Variants in EMP3 observed in about 807,000 individuals in gnomAD.
EMP3 encodes epithelial membrane protein 3 (MAM blood group).
In EMP3, 15 loss-of-function variants were observed where a neutral mutation model predicts 21.6. The ratio of observed to expected loss-of-function variants is 0.69; its 90% CI spans 0.46 to 1.07. EMP3 has a LOEUF of 1.07. EMP3 is among the 50% of genes least tolerant of loss of function. The pLI, the probability that EMP3 is intolerant of heterozygous loss-of-function variation, is 0.00. For missense variants in EMP3, 183 were observed against 206.6 expected (o/e 0.89, Z 0.70); for synonymous variants, 107 against 86.1 (o/e 1.24, Z -1.34).
In EMP3 at chr19:48,329,414, A is replaced by G. The variant is rs1165378910; in HGVS notation, c.244A>G (p.Ile82Val). ...CCTCATTCTCTGCTGTCTCTCCTTC[A>G]TCCTGTTCATGTTCCAGCTCTACAC... ...LSLILCCLSF[I>V]LFMFQLYTMR... Residue 82 changes from isoleucine to valine, a missense_variant, in exon 4 of 5, where the codon ATC becomes GTC. Physicochemically the swap from Ile to Val is conservative, Grantham distance 29. Coordinates refer to ENST00000270221, the MANE Select transcript of EMP3 (RefSeq NM_001425.3). This position sits in a 1 kb window ranked among gnomAD's most constrained non-coding sequence, Gnocchi z 4.5. The G allele has an allele frequency of 6.2e-7, 1 of 1,612,618 alleles. No individual in the cohort carries two copies. The highest frequency in any genetic ancestry group is 1.1e-5 in the South Asian group (1 of 90,968).
rs1569017698 is a variant in EMP3, at chr19:48,327,636, G to A, written c.181+13G>A. 6.2e-7 allele frequency: 1 copy of A among 1,611,456 alleles called. No individual in the cohort carries two copies. The highest frequency in any genetic ancestry group is 2.2e-5 in the East Asian group (1 of 44,866). ...GTCAGCGAGAATGGTGAGGGGTGAG[G>A]GCGGCGGGACTGGTCTTCAAAGGGG... is the stretch of plus-strand genomic sequence containing the variant. On this transcript the variant is annotated intron_variant, in intron 3 of 4. Coordinates refer to ENST00000270221, the MANE Select transcript of EMP3 (RefSeq NM_001425.3).
At chr19:48,328,281 G>A (rs969790999) in intron 3 of EMP3, among the ~76,000 whole-genome samples, 24 of 151,874 alleles carry the variant, frequency 1.6e-4, no homozygotes, top group African/African-American at 2.9e-4. Context: ...GCATGGTGGC[G>A]TGCGCCTGTA....
At position 48,330,458 on chromosome 19, in the gene EMP3, G is replaced by C. The variant is rs1294878983; in HGVS notation, c.480G>C (p.Arg160=). 4.4e-6 allele frequency: 7 copies of C among 1,582,630 alleles called. No homozygotes were observed. The highest frequency in any genetic ancestry group is 6.0e-6 in the Non-Finnish European group (7 of 1,167,438). Residue 160 remains arginine (R), a synonymous_variant, in exon 5 of 5, where the codon CGG becomes CGC. Coordinates refer to ENST00000270221, the MANE Select transcript of EMP3 (RefSeq NM_001425.3). Reference sequence around the variant, plus strand: ...GCGGCATCATCTACATCCACCTACGGAAGCGGGAGTGAGCGCCCCGCCTCG... The same window carrying C: ...GCGGCATCATCTACATCCACCTACGCAAGCGGGAGTGAGCGCCCCGCCTCG... The part of the protein sequence containing the change: ...LVSGIIYIHL[R]KRE
rs746709296 is a variant in EMP3, at chr19:48,328,411, CAAAAAAA to C, written c.181+803_181+809del. Among the ~76,000 whole-genome samples the C allele has an allele frequency of 2.2e-4, 18 of 80,682 alleles. 1 individual carries two copies. In the South Asian group the frequency reaches 4.6e-3, roughly 21 times the overall value. 52.9% of individuals were successfully genotyped at this position (80,682 alleles called of 152,430 possible). A position where few individuals can be genotyped will look rare whatever the true frequency, so the allele number is the denominator to read the frequency against. On this transcript the variant is annotated intron_variant, in intron 3 of 4. Coordinates refer to ENST00000270221, the MANE Select transcript of EMP3 (RefSeq NM_001425.3). ...TGGGCAACAGAGCAAGATTCTGTCTCAAAAAAAAAAAAAAAAAAAAAGAATAGAGAAA... is the reference window on the plus strand; with the variant it reads ...TGGGCAACAGAGCAAGATTCTGTCTCAAAAAAAAAAAAAAGAATAGAGAAA...
At chr19:48,326,626 G>A (rs973833599) in intron 1 of EMP3, among the ~76,000 whole-genome samples, 1 of 152,014 alleles carries the variant, frequency 6.6e-6, no homozygotes, top group Admixed American at 6.6e-5. Flanking sequence ...GAGTAGCTGG[G>A]ATTACAGGTG....
Position 48,329,341 on chromosome 19 carries a change from C to G in EMP3, c.182-11C>G. ...ACGGTGATGTCCCCCTCTGTGTCCT[C>G]CTTACTGCAGGCTGGCTGAAGGCGG... On this transcript the variant is annotated splice_polypyrimidine_tract_variant and intron_variant, in intron 3 of 4. Coordinates refer to ENST00000270221, the MANE Select transcript of EMP3 (RefSeq NM_001425.3). The surrounding 1 kb of genome is among the most constrained non-coding windows in gnomAD (Gnocchi z 4.5). 1 of 1,614,010 alleles carries G rather than the reference C, an allele frequency of 6.2e-7. No individual in the cohort carries two copies. Among genetic ancestry groups the G allele is most frequent in the Non-Finnish European group, 8.5e-7 (1 of 1,179,952 alleles).
At position 48,329,365 on chromosome 19, in the gene EMP3, G is replaced by A. The variant is rs202209148; in HGVS notation, c.195G>A (p.Ala65=). The A allele has an allele frequency of 2.5e-5, 40 of 1,614,008 alleles. No individual in the cohort carries two copies. Among genetic ancestry groups the A allele is most frequent in the African/African-American group, 5.3e-5 (4 of 74,988 alleles). ...TCCTTACTGCAGGCTGGCTGAAGGC[G>A]GTGCAGGTCCTCATGGTGCTCTCCC... The part of the protein sequence containing the change: ...SNVSENGWLK[A]VQVLMVLSLI... The change falls in exon 4 of 5, where the codon GCG becomes GCA. Residue 65 remains alanine (A), a synonymous_variant. Transcript: ENST00000270221. The surrounding 1 kb of genome is among the most constrained non-coding windows in gnomAD (Gnocchi z 4.5).
rs1422852555 is a variant in EMP3 at position 48,329,017 on chromosome 19, G to C, written c.182-335G>C. 1.3e-5 allele frequency among the ~76,000 whole-genome samples: 2 copies of C among 152,120 alleles called. No homozygotes were observed. Among genetic ancestry groups the C allele is most frequent in the African/African-American group, 2.4e-5 (1 of 41,412 alleles). ...TGTGCCTGTGGTCCCAGCTACTCAGGAGGCAGGGGTGAGAGAATTTCTTGA... is the reference window on the plus strand; with the variant it reads ...TGTGCCTGTGGTCCCAGCTACTCAGCAGGCAGGGGTGAGAGAATTTCTTGA... On this transcript the variant is annotated intron_variant, in intron 3 of 4. Transcript: ENST00000270221. This position sits in a 1 kb window ranked among gnomAD's most constrained non-coding sequence, Gnocchi z 4.5.
chr19:48,327,531 C>T lies in EMP3; in HGVS notation c.89C>T (p.Thr30Ile). 6.2e-7 allele frequency: 1 copy of T among 1,613,150 alleles called. No homozygotes were observed. Among genetic ancestry groups the T allele is most frequent in the Non-Finnish European group, 8.5e-7 (1 of 1,179,650 alleles). Reference protein sequence around the residue: ...FVATLDKSWWTLPGKESLNLW... With the variant: ...FVATLDKSWWILPGKESLNLW... ...CTCTGTCCATCCCAGTCCTGGTGGA[C>T]TCTCCCTGGGAAAGAGTCCCTGAAT... Residue 30 changes from threonine (T) to isoleucine (I), a missense_variant, in exon 3 of 5, where the codon ACT becomes ATT. Transcript: ENST00000270221.
rs1039381495 is a variant in EMP3, at chr19:48,329,236, T to C, written c.182-116T>C. 2.3e-6 allele frequency: 3 copies of C among 1,301,890 alleles called. No homozygotes were observed. The African/African-American group carries it at 4.4e-5, about 19-fold the overall frequency. 80.6% of individuals were successfully genotyped at this position (1,301,890 alleles called of 1,614,324 possible). On this transcript the variant is annotated intron_variant, in intron 3 of 4. Transcript: ENST00000270221. The surrounding 1 kb of genome is among the most constrained non-coding windows in gnomAD (Gnocchi z 4.5). ...TGATACATCTAAGTATCTAGGCTTG[T>C]ATGGGCCTAAACGGGAGCAGGGATG...
At chr19:48,327,900 G>A (rs1191389132) in intron 3 of EMP3, 13 of 384,162 alleles carry the variant, frequency 3.4e-5, no homozygotes, top group East Asian at 2.8e-4. Flanking sequence ...CTCTCCCTCC[G>A]GGGTCCGAGC....
chr19:48,327,193 C>T (rs139073857), intron 2 of EMP3, among the ~76,000 whole-genome samples: 3,113 of 151,978 alleles, frequency 0.02, 112 homozygotes, highest in African/African-American at 0.072. Flanking sequence ...CCACCAAGCC[C>T]GGCTAATTTT....
At chr19:48,327,468 A>T in intron 2 of EMP3, 53 bp from the exon 3 acceptor site, 1 of 1,367,256 alleles carries the variant, frequency 7.3e-7, no homozygotes, top group Non-Finnish European at 1.0e-6. Flanking sequence ...GCCTGACCCT[A>T]TCCCCTCTCC....
At chr19:48,327,968 T>A (rs1969152420) in intron 3 of EMP3, among the ~76,000 whole-genome samples, 1 of 151,940 alleles carries the variant, frequency 6.6e-6, no homozygotes, top group Non-Finnish European at 1.5e-5. Context: ...CCACCACGCC[T>A]GGCTAATTTT....
Position 48,329,346 on chromosome 19 carries a change from C to G in EMP3, c.182-6C>G. 7 of 1,614,060 alleles carry G rather than the reference C, an allele frequency of 4.3e-6. No individual in the cohort carries two copies. Among genetic ancestry groups the G allele is most frequent in the Non-Finnish European group, 5.9e-6 (7 of 1,179,978 alleles). ...GATGTCCCCCTCTGTGTCCTCCTTA[C>G]TGCAGGCTGGCTGAAGGCGGTGCAG... is the stretch of plus-strand genomic sequence containing the variant. On this transcript the variant is annotated splice_polypyrimidine_tract_variant and splice_region_variant and intron_variant, in intron 3 of 4. Coordinates refer to ENST00000270221, the MANE Select transcript of EMP3 (RefSeq NM_001425.3). The surrounding 1 kb of genome is among the most constrained non-coding windows in gnomAD (Gnocchi z 4.5).
chr19:48,328,348 G>A (rs1969158153), intron 3 of EMP3, among the ~76,000 whole-genome samples: 2 of 145,856 alleles, frequency 1.4e-5, no homozygotes, highest in South Asian at 4.3e-4. Context: ...GGAGGTGGAG[G>A]TTGCAGTGAG....
chr19:48,326,127 T>G (rs1046079014), intron 1 of EMP3: 28 of 150,662 alleles, frequency 1.9e-4, no homozygotes, highest in African/African-American at 6.2e-4. Flanking sequence ...TGGGGATGAG[T>G]CACCAGATGA....
chr19:48,327,852 G>A (rs1969150183), intron 3 of EMP3: 3 of 508,606 alleles, frequency 5.9e-6, no homozygotes, highest in Admixed American at 6.6e-5. Flanking sequence ...TGGTTGCCCA[G>A]GCTGGAGTGC....
Position 48,330,530 on chromosome 19 carries a change from C to CA in EMP3, c.*66dup. The CA allele has an allele frequency of 6.8e-7, 1 of 1,460,352 alleles. No homozygotes were observed. The highest frequency in any genetic ancestry group is 9.1e-7 in the Non-Finnish European group (1 of 1,096,224). The allele number at this position is 1,460,352 out of a possible 1,614,324, so 90.5% of individuals were successfully genotyped here. A position where few individuals can be genotyped will look rare whatever the true frequency, so the allele number is the denominator to read the frequency against. On this transcript the variant is annotated 3_prime_UTR_variant, in exon 5 of 5. Transcript: ENST00000270221. ...CCGGCCCCCCTCGCCGCGCGTCCTC[C>CA]AAAAAATAAAACCTTAACCGCGGGC...
Sources: allele counts gnomAD v4.1 joint callset (sites outside exome capture counted in the v4.1 genomes callset), GRCh38; gene constraint gnomAD v4.1.1; non-coding constraint Gnocchi (gnomAD v3.1); transcripts MANE v1.5; gene names NCBI Gene and HGNC (gene_info 2026-07-23, HGNC 2026-07-21).